Variants in SLC37A1 observed in about 807,000 individuals in gnomAD.
SLC37A1 encodes glucose-6-phosphate exchanger SLC37A1.
SLC37A1 carries 49 observed loss-of-function variants against 75.3 expected under a neutral mutation model. That is an observed-to-expected ratio of 0.65 (90% CI 0.52 to 0.83). The LOEUF (loss-of-function observed/expected upper bound fraction) is 0.83. Ranked by LOEUF, SLC37A1 falls within the 40% of genes least tolerant of loss-of-function variation. The probability of loss-of-function intolerance (pLI) is 0.00; values close to 1 mark genes in which losing one functional copy is unlikely to be tolerated. For missense variants in SLC37A1, 566 were observed against 695.0 expected, an observed-to-expected ratio of 0.81 and a Z score of 2.09; for synonymous variants, 268 against 292.1, an observed-to-expected ratio of 0.92 and a Z score of 0.84.
intron 2 of SLC37A1, among the ~76,000 whole-genome samples, chr21:42,519,959 T>C (rs754078164): frequency 6.7e-6 from 1 of 149,142 alleles, no homozygotes; most frequent in Non-Finnish European, 1.5e-5. Context: ...CCCTCCACAG[T>C]GTGTTTGTGT....
intron 5 of SLC37A1, among the ~76,000 whole-genome samples, chr21:42,538,952 T>A (rs1224054736): frequency 6.6e-6 from 1 of 152,194 alleles, no homozygotes; most frequent in East Asian, 1.9e-4. Flanking sequence ...AGAGCAAATC[T>A]TCTGCCTTTA....
intron 10 of SLC37A1, among the ~76,000 whole-genome samples, chr21:42,554,586 G>A (rs2055636058): frequency 6.6e-6 from 1 of 152,204 alleles, no homozygotes; most frequent in Non-Finnish European, 1.5e-5. Flanking sequence ...CACAGAGGGT[G>A]TCAGGGTGAG....
At chr21:42,564,235 A>AAAAAAAAT (rs1555886937) in intron 13 of SLC37A1, among the ~76,000 whole-genome samples, 18 of 151,434 alleles carry the variant, frequency 1.2e-4, no homozygotes, top group African/African-American at 4.4e-4. Flanking sequence ...AAAAAAAAAA[A>AAAAAAAAT]AAAAGCATAG....
At chr21:42,567,208 G>A (rs1021109374) in intron 16 of SLC37A1, 150 bp downstream of exon 16, 4 of 723,014 alleles carry the variant, frequency 5.5e-6, no homozygotes, top group Admixed American at 2.2e-5. Context: ...CAGCCTTCCC[G>A]CACCTGCCCC....
In SLC37A1 at chr21:42,580,480, C is replaced by T; in HGVS notation, c.*120C>T. 1.8e-6 allele frequency: 2 copies of T among 1,136,880 alleles called. No homozygotes were observed. Among genetic ancestry groups the T allele is most frequent in the Non-Finnish European group, 2.5e-6 (2 of 803,666 alleles). 70.4% of individuals were successfully genotyped at this position (1,136,880 alleles called of 1,614,324 possible). On this transcript the variant is annotated 3_prime_UTR_variant, in exon 20 of 20. Coordinates refer to ENST00000352133, the MANE Select transcript of SLC37A1 (RefSeq NM_001320537.2). The stretch of plus-strand genomic sequence containing the variant: ...GACCTCCCTTTGCCTTTTGCACACG[C>T]ACCTGGAAAAGACACAGAAGCCAAC...
intron 17 of SLC37A1, among the ~76,000 whole-genome samples, 156 bp from the exon 18 acceptor site, chr21:42,574,662 C>T (rs2056266372): frequency 6.6e-6 from 1 of 152,058 alleles, no homozygotes; most frequent in Non-Finnish European, 1.5e-5. Context: ...GGCCTTGTAC[C>T]CGCTCCCAAT....
Position 42,547,123 on chromosome 21 carries a change from T to G in SLC37A1, c.751T>G (p.Ser251Ala), listed in dbSNP as rs1204514830. The G allele has an allele frequency of 3.1e-6, 5 of 1,614,046 alleles. No individual in the cohort carries two copies. In the African/African-American group the frequency reaches 6.7e-5, roughly 22 times the overall value. The change falls in exon 9 of 20, where the codon TCC (serine) becomes GCC (alanine). Residue 251 changes from serine (S) to alanine (A), a missense_variant. Physicochemically the swap from Ser to Ala is moderately conservative, Grantham distance 99. Transcript: ENST00000352133. The surrounding 1 kb of genome is among the most constrained non-coding windows in gnomAD (Gnocchi z 6.1). Reference sequence around the variant, plus strand: ...TTCAGATCCGAACGACGTCAGGTGCTCCTCCACCCTGGTGACGGTAAGGAC... The same window carrying G: ...TTCAGATCCGAACGACGTCAGGTGCGCCTCCACCCTGGTGACGGTAAGGAC... Reference protein sequence around the residue: ...LIEHPNDVRCSSTLVTHSKGY... With the variant: ...LIEHPNDVRCASTLVTHSKGY...
intron 17 of SLC37A1, among the ~76,000 whole-genome samples, chr21:42,571,209 A>G (rs2839558): frequency 0.12 from 18,375 of 152,236 alleles, 1,247 homozygotes; most frequent in African/African-American, 0.14. Flanking sequence ...CCCTTCCCGA[A>G]GGAGGTGCCC....
chr21:42,565,557 G>A (rs1399462516), intron 14 of SLC37A1, among the ~76,000 whole-genome samples: 1 of 152,214 alleles, frequency 6.6e-6, no homozygotes, highest in Admixed American at 6.5e-5. Context: ...AGGAGCTCAG[G>A]AAGGCTGCCC....
chr21:42,530,654 A>ACACACACACCCCCCC (rs1161313598), intron 3 of SLC37A1, among the ~76,000 whole-genome samples: 2 of 35,880 alleles, frequency 5.6e-5, no homozygotes, highest in South Asian at 7.6e-4. Context: ...ACACACACAC[A>ACACACACACCCCCCC]CCCCCTCTGT....
intron 11 of SLC37A1, 95 bp from the exon 12 acceptor site, chr21:42,561,983 T>C: frequency 1.0e-6 from 1 of 999,310 alleles, no homozygotes; most frequent in Non-Finnish European, 1.6e-6. Flanking sequence ...CAGGATGTCT[T>C]TATGGGAGCG....
At chr21:42,554,967 T>G (rs58758166) in intron 10 of SLC37A1, among the ~76,000 whole-genome samples, 23,232 of 147,510 alleles carry the variant, frequency 0.16, 2,878 homozygotes, top group African/African-American at 0.34. Flanking sequence ...TTTTTGTTTG[T>G]TTGGTTGGTT....
chr21:42,556,824 T>A (rs2055703242), intron 10 of SLC37A1, among the ~76,000 whole-genome samples: 1 of 152,186 alleles, frequency 6.6e-6, no homozygotes, highest in Admixed American at 6.5e-5. Context: ...CCACACTCTT[T>A]CCCATCTCCT....
At chr21:42,579,943 C>CTTTTTTTTT (rs1033151305) in intron 19 of SLC37A1, 143 bp downstream of exon 19, 48 of 726,166 alleles carry the variant, frequency 6.6e-5, no homozygotes, top group Non-Finnish European at 9.6e-5. Context: ...TTCACTCTCA[C>CTTTTTTTTT]TTTTTCTTTT....
At chr21:42,528,269 C>G (rs1220117085) in intron 3 of SLC37A1, among the ~76,000 whole-genome samples, 1 of 152,158 alleles carries the variant, frequency 6.6e-6, no homozygotes, top group South Asian at 2.1e-4. Context: ...AAGTGCAACC[C>G]TGTCCCTTCT....
Position 42,580,346 on chromosome 21 carries a change from T to C in SLC37A1, c.1588T>C (p.Phe530Leu), listed in dbSNP as rs147676461. The C allele has an allele frequency of 9.5e-4, 1,538 of 1,613,108 alleles. 2 individuals are homozygous for C. The highest frequency in any genetic ancestry group is 1.2e-3 in the Non-Finnish European group (1,460 of 1,179,700). ...CTCTTCTTTCAACCTTTCTTTCAGATTTAAGGAACAGTGACACCCCACCCC... is the reference window on the plus strand; with the variant it reads ...CTCTTCTTTCAACCTTTCTTTCAGACTTAAGGAACAGTGACACCCCACCCC... ...PGSATGDQVPFKEQ is the reference protein window; with the variant it reads ...PGSATGDQVPLKEQ Residue 530 changes from phenylalanine to leucine, a missense_variant and splice_region_variant, in exon 20 of 20, where the codon TTT (phenylalanine) becomes CTT (leucine). Coordinates refer to ENST00000352133, the MANE Select transcript of SLC37A1 (RefSeq NM_001320537.2).
intron 2 of SLC37A1, among the ~76,000 whole-genome samples, chr21:42,519,964 TTGTG>T (rs373950219): frequency 2.7e-5 from 4 of 148,660 alleles, no homozygotes; most frequent in South Asian, 4.2e-4. Flanking sequence ...CACAGTGTGT[TTGTG>T]TGTGTGTGTG....
At chr21:42,567,995 G>A (rs1399253481) in intron 16 of SLC37A1, among the ~76,000 whole-genome samples, 1 of 152,268 alleles carries the variant, frequency 6.6e-6, no homozygotes, top group East Asian at 1.9e-4. Context: ...ACACGTGGAT[G>A]TGTCTGGGAA....
intron 11 of SLC37A1, chr21:42,561,847 C>T (rs1788443): frequency 0.52 from 254,597 of 490,226 alleles, 70,292 homozygotes; most frequent in African/African-American, 0.74. Flanking sequence ...TTCTCAGAGG[C>T]CCCGCCCCTC....
Sources: gnomAD v4.1 joint callset for allele counts (sites outside exome capture counted in the v4.1 genomes callset) on GRCh38, gnomAD v4.1.1 for gene constraint, Gnocchi (gnomAD v3.1) non-coding constraint, MANE v1.5 for transcripts, NCBI Gene and HGNC (gene_info 2026-07-23, HGNC 2026-07-21) for gene names.